The following PCDHGA6 variants were observed in gnomAD, a reference collection of about 807,000 sequenced individuals.
PCDHGA6 encodes the protein protocadherin gamma-A6.
A neutral mutation model predicts 60.6 loss-of-function variants in PCDHGA6; 41 were observed. The observed-to-expected ratio is 0.68, with a 90% confidence interval of 0.53 to 0.88. The LOEUF is 0.88. PCDHGA6 is among the 40% of genes least tolerant of loss of function. The probability of loss-of-function intolerance (pLI) is 0.00; values close to 1 mark genes in which losing one functional copy is unlikely to be tolerated. For missense variants in PCDHGA6, 1,312 were observed against 1,203.0 expected, an observed-to-expected ratio of 1.09 and a Z score of -1.34; for synonymous variants, 594 against 524.4, an observed-to-expected ratio of 1.13 and a Z score of -1.81.
At chr5:141,444,880 G>C (rs527554886) in intron 1 of PCDHGA6, among the ~76,000 whole-genome samples, 5 of 152,268 alleles carry the variant, frequency 3.3e-5, no homozygotes, top group Admixed American at 1.3e-4. Flanking sequence ...AAGCTTGTAG[G>C]ATTTTTGAAT....
rs774858191 is a variant in PCDHGA6 at position 141,413,689 on chromosome 5, C to T, written c.2424+37182C>T. On this transcript the variant is annotated intron_variant, in intron 1 of 3. Transcript: ENST00000517434. Reference sequence around the variant, plus strand: ...TCCGGATGTGGGCGTGAACTCCCTGCAGAGCTATCAGCTCAGCCCCAATAA... The same window carrying T: ...TCCGGATGTGGGCGTGAACTCCCTGTAGAGCTATCAGCTCAGCCCCAATAA... 6 of 1,613,800 alleles carry T rather than the reference C, an allele frequency of 3.7e-6. No individual in the cohort carries two copies. The Admixed American group carries it at 5.0e-5, about 13-fold the overall frequency.
chr5:141,414,751 T>C (rs2095785645), intron 1 of PCDHGA6: 4 of 1,614,084 alleles, frequency 2.5e-6, no homozygotes, highest in Non-Finnish European at 1.7e-6. Flanking sequence ...ATCCTTCGAC[T>C]ATGAGCAGTT....
Position 141,491,094 on chromosome 5 carries a change from G to T in PCDHGA6, c.2425-3713G>T. ...TGCCACAGTCCACAGCCCCAGGACT[G>T]TTCCTCGTGTCTACACACACTGGTG... On this transcript the variant is annotated intron_variant, in intron 1 of 3. Transcript: ENST00000517434. This position sits in a 1 kb window ranked among gnomAD's most constrained non-coding sequence, Gnocchi z 6.9. The T allele has an allele frequency of 6.2e-7, 1 of 1,614,202 alleles. No homozygotes were observed. The highest frequency in any genetic ancestry group is 1.1e-5 in the South Asian group (1 of 91,086).
At chr5:141,423,169 C>G (rs747206648) in intron 1 of PCDHGA6, 2 of 1,613,460 alleles carry the variant, frequency 1.2e-6, no homozygotes, top group Admixed American at 3.3e-5. Context: ...GGTGGCCGTC[C>G]AGGACCACGG....
intron 1 of PCDHGA6, chr5:141,400,151 C>T: frequency 6.2e-7 from 1 of 1,614,086 alleles, no homozygotes; most frequent in Non-Finnish European, 8.5e-7. Context: ...ACTGACCGCC[C>T]TGTACCCTCT....
At chr5:141,405,179 G>A (rs2094620573) in intron 1 of PCDHGA6, 1 of 1,614,028 alleles carries the variant, frequency 6.2e-7, no homozygotes, top group South Asian at 1.1e-5. Context: ...CTTTGTGGGT[G>A]TAGATGGGGT....
At position 141,511,436 on chromosome 5, in the gene PCDHGA6, T is replaced by C. The variant is rs1371734719; in HGVS notation, c.*263T>C. The C allele has an allele frequency of 1.5e-5, 11 of 718,486 alleles. No individual in the cohort carries two copies. The highest frequency in any genetic ancestry group is 2.2e-5 in the Non-Finnish European group (10 of 461,474). The allele number at this position is 718,486 out of a possible 1,614,324, so 44.5% of individuals were successfully genotyped here. The stretch of plus-strand genomic sequence containing the variant: ...ACCCATGGGGGTAGTGGGGTTACTG[T>C]AGACACCAAGAACCATTTGCCACAC... On this transcript the variant is annotated 3_prime_UTR_variant, in exon 4 of 4. Coordinates refer to ENST00000517434, the MANE Select transcript of PCDHGA6 (RefSeq NM_018919.3).
intron 3 of PCDHGA6, chr5:141,507,010 G>A (rs371780810): frequency 1.3e-5 from 2 of 152,324 alleles, no homozygotes; most frequent in East Asian, 1.9e-4. Flanking sequence ...TGAGAGAACC[G>A]AGAAGGCACT....
At chr5:141,481,647 A>C (rs749515062) in intron 1 of PCDHGA6, among the ~76,000 whole-genome samples, 28 of 151,830 alleles carry the variant, frequency 1.8e-4, no homozygotes, top group African/African-American at 6.5e-4. Context: ...GTGAAACTTC[A>C]TCTCTACTAA....
chr5:141,375,976 C>T lies in PCDHGA6; in HGVS notation c.1893C>T (p.Ala631=). The T allele has an allele frequency of 6.2e-7, 1 of 1,613,390 alleles. No homozygotes were observed. The highest frequency in any genetic ancestry group is 1.1e-5 in the South Asian group (1 of 91,040). The change falls in exon 1 of 4, where the codon GCC becomes GCT. Residue 631 remains alanine, a synonymous_variant. Coordinates refer to ENST00000517434, the MANE Select transcript of PCDHGA6 (RefSeq NM_018919.3). ...LHTGEVRTAR[A]LLDRDALKQS... The stretch of plus-strand genomic sequence containing the variant: ...CGGGCGAGGTGCGCACGGCGCGCGC[C>T]CTGCTGGACAGAGACGCGCTCAAGC...
chr5:141,460,624 T>TA (rs1464862917), intron 1 of PCDHGA6, among the ~76,000 whole-genome samples: 2 of 152,128 alleles, frequency 1.3e-5, no homozygotes, highest in African/African-American at 4.8e-5. Context: ...GATAGACAGA[T>TA]ACAGATATAT....
intron 1 of PCDHGA6, chr5:141,393,911 T>C: frequency 3.7e-6 from 6 of 1,614,002 alleles, no homozygotes; most frequent in Non-Finnish European, 5.1e-6. Context: ...GGACAGTAAT[T>C]GCCTTCTTGA....
In PCDHGA6 at chr5:141,373,902, T is replaced by G. The variant is rs973881316; in HGVS notation, c.-182T>G. ...ATCAACGGAAACTCAAGTTACATCC[T>G]CCAACAACAAAGCAAATTAGACGGG... On this transcript the variant is annotated 5_prime_UTR_variant, in exon 1 of 4. Transcript: ENST00000517434. 1.4e-5 allele frequency: 8 copies of G among 577,832 alleles called. No individual in the cohort carries two copies. Among genetic ancestry groups the G allele is most frequent in the Admixed American group, 3.7e-5 (1 of 26,740 alleles). 35.8% of individuals were successfully genotyped at this position (577,832 alleles called of 1,614,324 possible).
chr5:141,431,420 G>A lies in PCDHGA6; in HGVS notation c.2424+54913G>A, dbSNP rs780266425. ...TACGGCCTCCGACGGGGGCGACCCG[G>A]TGCGCACAGGCACCGCGCGCATCCG... On this transcript the variant is annotated intron_variant, in intron 1 of 3. Coordinates refer to ENST00000517434, the MANE Select transcript of PCDHGA6 (RefSeq NM_018919.3). The surrounding 1 kb of genome is among the most constrained non-coding windows in gnomAD (Gnocchi z 4.8). 5 of 1,613,592 alleles carry A rather than the reference G, an allele frequency of 3.1e-6. No homozygotes were observed. The highest frequency in any genetic ancestry group is 3.4e-6 in the Non-Finnish European group (4 of 1,180,050).
chr5:141,413,639 G>A (rs893578830), intron 1 of PCDHGA6: 2 of 1,613,854 alleles, frequency 1.2e-6, no homozygotes, highest in Non-Finnish European at 1.7e-6. Context: ...GCGGGAATGC[G>A]TTTTCCTCTC....
chr5:141,466,686 T>G (rs112499949), intron 1 of PCDHGA6, among the ~76,000 whole-genome samples: 2 of 152,352 alleles, frequency 1.3e-5, no homozygotes, highest in African/African-American at 4.8e-5. Flanking sequence ...CCACTCAAGC[T>G]TCATCATAAA....
At chr5:141,423,572 G>A (rs1239529114) in intron 1 of PCDHGA6, 1 of 1,613,510 alleles carries the variant, frequency 6.2e-7, no homozygotes, top group Admixed American at 1.7e-5. Flanking sequence ...ACGCTCATCA[G>A]CCAGGAGAGC....
At position 141,431,645 on chromosome 5, in the gene PCDHGA6, T is replaced by G. The variant is rs2097404203; in HGVS notation, c.2424+55138T>G. ...GGCGGCCCAAGTTTTCAAACTAGAT[T>G]GTAATTCAGGGACAATATCAACAAT... On this transcript the variant is annotated intron_variant, in intron 1 of 3. Coordinates refer to ENST00000517434, the MANE Select transcript of PCDHGA6 (RefSeq NM_018919.3). This position sits in a 1 kb window ranked among gnomAD's most constrained non-coding sequence, Gnocchi z 4.8. The G allele has an allele frequency of 2.5e-6, 4 of 1,614,236 alleles. No homozygotes were observed. Among genetic ancestry groups the G allele is most frequent in the Non-Finnish European group, 3.4e-6 (4 of 1,180,044 alleles).
chr5:141,402,892 A>G, intron 1 of PCDHGA6: 10 of 1,498,814 alleles, frequency 6.7e-6, no homozygotes, highest in Non-Finnish European at 8.9e-6. Flanking sequence ...GGTGGAAGAA[A>G]GAACCTGATG....
Sources: gnomAD v4.1 joint callset for allele counts (sites outside exome capture counted in the v4.1 genomes callset) on GRCh38, gnomAD v4.1.1 for gene constraint, Gnocchi (gnomAD v3.1) non-coding constraint, MANE v1.5 for transcripts, NCBI Gene and HGNC (gene_info 2026-07-23, HGNC 2026-07-21) for gene names.